The following TRAPPC9 variants were observed in gnomAD, a reference collection of about 807,000 sequenced individuals.
TRAPPC9 encodes IKK2 binding protein.
A neutral mutation model predicts 124.0 loss-of-function variants in TRAPPC9; 83 were observed. That is an observed-to-expected ratio of 0.67 (90% CI 0.56 to 0.80). The LOEUF is 0.80. TRAPPC9 is among the 30% of genes least tolerant of loss of function. TRAPPC9 has a pLI of 0.00. For synonymous variants in TRAPPC9, 638 were observed against 617.5 expected (o/e 1.03, Z -0.49); for missense variants, 1,302 against 1,508.3 (o/e 0.86, Z 2.27).
chr8:139,828,687 CATTTT>C (rs1825789112), intron 21 of TRAPPC9, among the ~76,000 whole-genome samples: 1 of 152,192 alleles, frequency 6.6e-6, no homozygotes, highest in African/African-American at 2.4e-5. Context: ...ATCGACACAT[CATTTT>C]GTTTCCCTGA....
chr8:139,774,398 G>A (rs891420213), intron 21 of TRAPPC9, among the ~76,000 whole-genome samples: 21 of 152,152 alleles, frequency 1.4e-4, no homozygotes, highest in Non-Finnish European at 2.4e-4. Context: ...GTGTCTGCAC[G>A]GGTGCGTGCA....
chr8:139,757,219 G>A (rs1315008212), intron 21 of TRAPPC9, among the ~76,000 whole-genome samples: 3 of 128,276 alleles, frequency 2.3e-5, no homozygotes, highest in African/African-American at 3.2e-5. Flanking sequence ...GGTTGGGGAT[G>A]AGGACAGCAT....
At chr8:139,799,625 C>A (rs1177342088) in intron 21 of TRAPPC9, among the ~76,000 whole-genome samples, 1 of 152,200 alleles carries the variant, frequency 6.6e-6, no homozygotes, top group Non-Finnish European at 1.5e-5. Context: ...TTCCACATCA[C>A]CCCCCATGAA....
At chr8:140,222,386 T>C (rs570053131) in intron 16 of TRAPPC9, among the ~76,000 whole-genome samples, 11 of 152,338 alleles carry the variant, frequency 7.2e-5, no homozygotes, top group East Asian at 3.9e-4. Flanking sequence ...TCACGTCGCA[T>C]GTCCAACCCA....
intron 17 of TRAPPC9, among the ~76,000 whole-genome samples, chr8:140,172,972 G>C (rs977684710): frequency 1.3e-5 from 2 of 152,130 alleles, no homozygotes; most frequent in East Asian, 3.9e-4. Flanking sequence ...CTGGTGGCTG[G>C]TTAAAAAGCT....
At chr8:139,918,923 C>T (rs1406167497) in intron 19 of TRAPPC9, among the ~76,000 whole-genome samples, 1 of 152,126 alleles carries the variant, frequency 6.6e-6, no homozygotes, top group East Asian at 1.9e-4. Context: ...GCAGTTTTTC[C>T]ATCTTAACGG....
intron 10 of TRAPPC9, among the ~76,000 whole-genome samples, chr8:140,310,871 G>GCTGGGT (rs1456561877): frequency 6.6e-6 from 1 of 152,056 alleles, no homozygotes; most frequent in Non-Finnish European, 1.5e-5. Context: ...TTCCCGTGTG[G>GCTGGGT]CTGGGGTGCA....
chr8:140,262,806 G>C (rs1172428742), intron 15 of TRAPPC9: 1 of 152,224 alleles, frequency 6.6e-6, no homozygotes, highest in South Asian at 2.1e-4. Flanking sequence ...GCCAAGTGAG[G>C]TAAGTGTTAT....
At chr8:140,438,867 T>C (rs1020962163) in intron 3 of TRAPPC9, among the ~76,000 whole-genome samples, 185 bp downstream of exon 3, 1 of 152,128 alleles carries the variant, frequency 6.6e-6, no homozygotes, top group African/African-American at 2.4e-5. Flanking sequence ...AATTTTTGTA[T>C]TTTTAGTAGA....
chr8:140,193,014 C>T (rs1342785961), intron 17 of TRAPPC9, among the ~76,000 whole-genome samples: 6 of 152,148 alleles, frequency 3.9e-5, no homozygotes, highest in South Asian at 2.1e-4. Context: ...TCAAGTGATC[C>T]GCCCGCCTCG....
In TRAPPC9 at chr8:139,776,196, G is replaced by T. The variant is rs1821358223; in HGVS notation, c.3056-43994C>A. ...CCTCAGTCTCTGGGCTCCCCGACAG[G>T]GTTCCTTCCATCCTGCAGGCCTCCT... On this transcript the variant is annotated intron_variant, in intron 21 of 22. Coordinates refer to ENST00000438773, the MANE Select transcript of TRAPPC9 (RefSeq NM_001160372.4). The surrounding 1 kb of genome is among the most constrained non-coding windows in gnomAD (Gnocchi z 4.1). 6.6e-6 allele frequency among the ~76,000 whole-genome samples: 1 copy of T among 152,130 alleles called. No homozygotes were observed. The highest frequency in any genetic ancestry group is 2.4e-5 in the African/African-American group (1 of 41,432).
rs527655945 is a variant in TRAPPC9 at position 139,774,676 on chromosome 8, C to T, written c.3056-42474G>A. ...GGAGCAGGTGCTCCACAACATTTCCCGGAGGAACGAGGGCTTCTCCTGGCA... is the reference window on the plus strand; with the variant it reads ...GGAGCAGGTGCTCCACAACATTTCCTGGAGGAACGAGGGCTTCTCCTGGCA... On this transcript the variant is annotated intron_variant, in intron 21 of 22. Transcript: ENST00000438773. Among the ~76,000 whole-genome samples, 18 of 152,318 alleles carry T rather than the reference C, an allele frequency of 1.2e-4. 1 individual carries two copies. The South Asian group carries it at 1.4e-3, about 12-fold the overall frequency.
At chr8:140,344,908 T>C (rs1368134061) in intron 9 of TRAPPC9, among the ~76,000 whole-genome samples, 1 of 152,238 alleles carries the variant, frequency 6.6e-6, no homozygotes, top group African/African-American at 2.4e-5. Context: ...TGGTCATATC[T>C]GGGATGTGCT....
At chr8:140,228,977 A>T (rs1024152779) in intron 16 of TRAPPC9, among the ~76,000 whole-genome samples, 3 of 152,226 alleles carry the variant, frequency 2.0e-5, no homozygotes, top group African/African-American at 7.2e-5. Flanking sequence ...TCTTCAAAAT[A>T]TGAAAGAAAA....
chr8:139,944,896 G>A (rs1411468452), intron 19 of TRAPPC9, among the ~76,000 whole-genome samples: 1 of 152,212 alleles, frequency 6.6e-6, no homozygotes, highest in Non-Finnish European at 1.5e-5. Flanking sequence ...GCCAAGGTGG[G>A]CAGATCACCT....
At position 139,882,106 on chromosome 8, in the gene TRAPPC9, T is replaced by C. The variant is rs143045021; in HGVS notation, c.3055+3773A>G. Among the ~76,000 whole-genome samples, 495 of 152,324 alleles carry C rather than the reference T, an allele frequency of 3.2e-3. 1 individual carries two copies. The highest frequency in any genetic ancestry group is 0.011 in the African/African-American group (475 of 41,558). On this transcript the variant is annotated intron_variant, in intron 21 of 22. Transcript: ENST00000438773. ...ATGGCTCCTAGAACTGGGTTGATCT[T>C]CCAGGAATAACAGAAATATCTGCAT... is the stretch of plus-strand genomic sequence containing the variant.
intron 18 of TRAPPC9, among the ~76,000 whole-genome samples, chr8:140,004,192 A>G (rs78959192): frequency 0.026 from 3,912 of 152,198 alleles, 132 homozygotes; most frequent in African/African-American, 0.089. Flanking sequence ...GGGGCCGGGG[A>G]GATGCAGAGC....
At chr8:139,736,179 T>C (rs1818153345) in intron 21 of TRAPPC9, among the ~76,000 whole-genome samples, 1 of 152,208 alleles carries the variant, frequency 6.6e-6, no homozygotes, top group African/African-American at 2.4e-5. Flanking sequence ...TGGCCAGCAT[T>C]GCAGAAGGAG....
chr8:140,203,027 A>G (rs951438492), intron 17 of TRAPPC9, among the ~76,000 whole-genome samples: 1 of 152,228 alleles, frequency 6.6e-6, no homozygotes, highest in African/African-American at 2.4e-5. Flanking sequence ...GCTGAAAACA[A>G]ACTTAAAAGC....
Sources: allele counts gnomAD v4.1 joint callset (sites outside exome capture counted in the v4.1 genomes callset), GRCh38; gene constraint gnomAD v4.1.1; non-coding constraint Gnocchi (gnomAD v3.1); transcripts MANE v1.5; gene names NCBI Gene and HGNC (gene_info 2026-07-23, HGNC 2026-07-21).